YJU2B: variants seen among roughly 807,000 people sequenced by gnomAD.
The protein encoded by YJU2B is YJU2 splicing factor homolog B, also known as probable splicing factor YJU2B.
In YJU2B, 18 loss-of-function variants were observed where a neutral mutation model predicts 38.0. The ratio of observed to expected loss-of-function variants is 0.47; its 90% CI spans 0.33 to 0.70. YJU2B has a LOEUF of 0.70. Among genes scored for constraint, YJU2B ranks in the 30% least tolerant of loss-of-function variants. The probability of loss-of-function intolerance (pLI) is 0.02; values close to 1 mark genes in which losing one functional copy is unlikely to be tolerated. For missense variants in YJU2B, 538 were observed against 556.3 expected (o/e 0.97, Z 0.33); for synonymous variants, 246 against 225.4 (o/e 1.09, Z -0.82).
At position 13,763,077 on chromosome 19, in the gene YJU2B, C is replaced by CA; in HGVS notation, c.*10dup. The CA allele has an allele frequency of 6.5e-7, 1 of 1,534,882 alleles. No individual in the cohort carries two copies. Among genetic ancestry groups the CA allele is most frequent in the Non-Finnish European group, 8.8e-7 (1 of 1,140,374 alleles). Reference sequence around the variant, plus strand: ...ACTCGGAGAGTGAGTGAGCGATCCCCATCCTGGAGACTGGACCCGCTCTAG... The same window carrying CA: ...ACTCGGAGAGTGAGTGAGCGATCCCCAATCCTGGAGACTGGACCCGCTCTAG... On this transcript the variant is annotated 3_prime_UTR_variant, in exon 10 of 10. Transcript: ENST00000221554.
rs1973970070 is a variant in YJU2B, at chr19:13,762,984, G to A, written c.1107G>A (p.Glu369=). Residue 369 remains glutamate (E), a synonymous_variant, in exon 10 of 10, where the codon GAG becomes GAA. Transcript: ENST00000221554. The part of the protein sequence containing the change: ...KPLSPAGSSQ[E]AADTPDTRHP... ...TGTCGCCAGCAGGCTCCTCCCAGGA[G>A]GCAGCTGACACCCCCGACACGCGGC... 6.2e-7 allele frequency: 1 copy of A among 1,610,270 alleles called. No homozygotes were observed.
In YJU2B at chr19:13,750,777, C is replaced by T. The variant is rs556379770; in HGVS notation, c.-201-831C>T. 4.8e-5 allele frequency among the ~76,000 whole-genome samples: 7 copies of T among 147,260 alleles called. No homozygotes were observed. The South Asian group carries it at 1.5e-3, about 32-fold the overall frequency. On this transcript the variant is annotated intron_variant, in intron 1 of 9. Coordinates refer to ENST00000221554, the MANE Select transcript of YJU2B (RefSeq NM_030818.4). ...CTCAGGAGACTGAGGCATGACATCACTTAAACCCAGGAGGCAGAGATAGTG... is the reference window on the plus strand; with the variant it reads ...CTCAGGAGACTGAGGCATGACATCATTTAAACCCAGGAGGCAGAGATAGTG...
At chr19:13,760,379 T>C (rs1227535903) in intron 8 of YJU2B, among the ~76,000 whole-genome samples, 2 of 152,174 alleles carry the variant, frequency 1.3e-5, no homozygotes, top group Non-Finnish European at 2.9e-5. Context: ...ACAAGTTCCC[T>C]TGAGCCTCCT....
chr19:13,762,499 G>T, intron 9 of YJU2B, 62 bp downstream of exon 9: 1 of 1,587,466 alleles, frequency 6.3e-7, no homozygotes, highest in South Asian at 1.1e-5. Flanking sequence ...GAGATGGGGG[G>T]TCCTCAGCCA....
upstream of YJU2B, among the ~76,000 whole-genome samples, chr19:13,745,156 C>T (rs1220061459): frequency 1.3e-5 from 2 of 152,148 alleles, no homozygotes; most frequent in Non-Finnish European, 2.9e-5. Flanking sequence ...CCTCTCTGGG[C>T]CTGTCTCACC....
At chr19:13,745,431 G>C (rs1973203689), upstream of YJU2B, among the ~76,000 whole-genome samples, 1 of 152,144 alleles carries the variant, frequency 6.6e-6, no homozygotes, top group South Asian at 2.1e-4. Flanking sequence ...GGGAGGCCGA[G>C]GTGGGCAGAT....
chr19:13,749,569 C>T (rs1226328030), intron 1 of YJU2B, among the ~76,000 whole-genome samples: 1 of 151,772 alleles, frequency 6.6e-6, no homozygotes, highest in Non-Finnish European at 1.5e-5. Context: ...TTGCCAATCT[C>T]TGTTCTAGAA....
intron 1 of YJU2B, among the ~76,000 whole-genome samples, chr19:13,750,123 A>G (rs1242156847): frequency 1.3e-5 from 2 of 152,196 alleles, no homozygotes; most frequent in Non-Finnish European, 2.9e-5. Context: ...GGGATATGGC[A>G]CAGTGTGACC....
At chr19:13,753,399 TTGTC>T (rs903121275) in intron 2 of YJU2B, among the ~76,000 whole-genome samples, 18 of 151,826 alleles carry the variant, frequency 1.2e-4, no homozygotes, top group Admixed American at 5.2e-4. Context: ...TGGTGAAACT[TTGTC>T]TGTACTAAAA....
In YJU2B at chr19:13,736,882, A is replaced by C. The variant is rs1972962110; in HGVS notation, c.-202+4597A>C. ...TCCCGTGTCTACTAAAAATACAAAA[A>C]TTAGCCAGGTGGTGGGAAGCTGTGA... On this transcript the variant is annotated intron_variant, in intron 2 of 10. Coordinates refer to the YJU2B transcript ENST00000586600. Among the ~76,000 whole-genome samples, 3 of 151,938 alleles carry C rather than the reference A, an allele frequency of 2.0e-5. No homozygotes were observed. In the South Asian group the frequency reaches 6.3e-4, roughly 32 times the overall value.
At chr19:13,745,652 T>TAGATAGAC (rs1212882615), upstream of YJU2B, among the ~76,000 whole-genome samples, 1 of 92,632 alleles carries the variant, frequency 1.1e-5, no homozygotes, top group Non-Finnish European at 2.1e-5. Context: ...ACTCCATAGA[T>TAGATAGAC]AGATAGATAG....
rs1420295004 is a variant in YJU2B, at chr19:13,762,966, A to T, written c.1089A>T (p.Pro363=). Residue 363 remains proline, a synonymous_variant, in exon 10 of 10, where the codon CCA becomes CCT. Coordinates refer to ENST00000221554, the MANE Select transcript of YJU2B (RefSeq NM_030818.4). ...GCCGTCAGGACAAGCCCCTGTCGCC[A>T]GCAGGCTCCTCCCAGGAGGCAGCTG... is the stretch of plus-strand genomic sequence containing the variant. ...EGSRQDKPLS[P]AGSSQEAADT... The T allele has an allele frequency of 1.2e-6, 2 of 1,611,658 alleles. No homozygotes were observed. The highest frequency in any genetic ancestry group is 2.7e-5 in the African/African-American group (2 of 74,910).
Position 13,755,450 on chromosome 19 carries a change from A to G in YJU2B, c.58-747A>G, listed in dbSNP as rs372134763. On this transcript the variant is annotated intron_variant, in intron 3 of 9. Coordinates refer to ENST00000221554, the MANE Select transcript of YJU2B (RefSeq NM_030818.4). ...CACTCCAGCCTAGTGACAGAGCGAG[A>G]CTCTGTCTCAAAAAAAAAAAAAAAA... 8.6e-3 allele frequency among the ~76,000 whole-genome samples: 1,126 copies of G among 131,108 alleles called. 13 individuals carry two copies. Among genetic ancestry groups the G allele is most frequent in the African/African-American group, 0.035 (1,086 of 31,024 alleles). The allele number at this position is 131,108 out of a possible 152,430, so 86.0% of individuals were successfully genotyped here.
chr19:13,745,189 A>G (rs796889920), upstream of YJU2B, among the ~76,000 whole-genome samples: 3 of 152,160 alleles, frequency 2.0e-5, no homozygotes, highest in African/African-American at 7.2e-5. Flanking sequence ...GAAATGATGA[A>G]AAGTATCTAC....
At chr19:13,745,740 T>C (rs529611263), upstream of YJU2B, among the ~76,000 whole-genome samples, 1 of 93,268 alleles carries the variant, frequency 1.1e-5, no homozygotes, top group South Asian at 3.3e-4. Context: ...TATATATATA[T>C]ATAGATATAT....
In YJU2B at chr19:13,756,256, G is replaced by A; in HGVS notation, c.117G>A (p.Leu39=). The change falls in exon 4 of 10, where the codon CTG becomes CTA. Residue 39 remains leucine (L), a synonymous_variant. Transcript: ENST00000221554. ...SHPLRERARK[L]SQGILIIRFE... ...CGCTTCGGGAGCGGGCTCGGAAGCTGTCACAGGGCATCCTCATCATCCGGT... is the reference window on the plus strand; with the variant it reads ...CGCTTCGGGAGCGGGCTCGGAAGCTATCACAGGGCATCCTCATCATCCGGT... The A allele has an allele frequency of 1.2e-6, 2 of 1,614,054 alleles. No individual in the cohort carries two copies. Among genetic ancestry groups the A allele is most frequent in the Non-Finnish European group, 8.5e-7 (1 of 1,179,998 alleles).
chr19:13,747,590 C>T (rs149549209), upstream of YJU2B, among the ~76,000 whole-genome samples: 430 of 152,378 alleles, frequency 2.8e-3, no homozygotes, highest in African/African-American at 9.9e-3. Flanking sequence ...TTTGCCTCAG[C>T]CTCCCAAGTA....
chr19:13,759,819 C>T (rs1355194024), intron 8 of YJU2B, among the ~76,000 whole-genome samples: 1 of 122,184 alleles, frequency 8.2e-6, no homozygotes. Context: ...TTTTTTGAGA[C>T]TGAGTTTCAC....
chr19:13,748,833 T>A (rs1228905229), intron 1 of YJU2B, among the ~76,000 whole-genome samples: 1 of 152,190 alleles, frequency 6.6e-6, no homozygotes, highest in Non-Finnish European at 1.5e-5. Flanking sequence ...GGCAAAAGTA[T>A]TTTTAGGTTG....
Sources: gnomAD v4.1 joint callset for allele counts (sites outside exome capture counted in the v4.1 genomes callset) on GRCh38, gnomAD v4.1.1 for gene constraint, MANE v1.5 for transcripts, NCBI Gene and HGNC (gene_info 2026-07-23, HGNC 2026-07-21) for gene names.